Variants in CDK14 observed in about 807,000 individuals in gnomAD.
CDK14 encodes the protein cyclin-dependent kinase 14.
A neutral mutation model predicts 60.7 loss-of-function variants in CDK14; 34 were observed. The ratio of observed to expected loss-of-function variants is 0.56; its 90% confidence interval spans 0.43 to 0.75. CDK14 has a LOEUF of 0.75. Ranked by LOEUF, CDK14 falls within the 30% of genes least tolerant of loss-of-function variation. CDK14 has a pLI of 0.00. For missense variants in CDK14, 482 were observed against 564.1 expected, an observed-to-expected ratio of 0.85 and a Z score of 1.47; for synonymous variants, 197 against 203.7, an observed-to-expected ratio of 0.97 and a Z score of 0.28.
rs1295537546 is a variant in CDK14 at position 91,013,332 on chromosome 7, CT to C, written c.1041+29094del. On this transcript the variant is annotated intron_variant, in intron 10 of 14. Coordinates refer to ENST00000380050, the MANE Select transcript of CDK14 (RefSeq NM_001287135.2). ...TTTTCACTTTCTACTTTGAGTTCTG[CT>C]TTCTGGCAATGGATTGTTCTTTGCT... 2.6e-5 allele frequency among the ~76,000 whole-genome samples: 4 copies of C among 151,948 alleles called. No homozygotes were observed. The South Asian group carries it at 8.3e-4, about 31-fold the overall frequency.
chr7:91,118,027 A>G (rs370175747), intron 13 of CDK14, 38 bp from the exon 14 acceptor site: 74 of 1,188,858 alleles, frequency 6.2e-5, no homozygotes, highest in Non-Finnish European at 8.4e-5. Flanking sequence ...ATAAATATCT[A>G]TAACTATATA....
chr7:90,888,174 C>A (rs548675473), intron 6 of CDK14, among the ~76,000 whole-genome samples: 3 of 151,992 alleles, frequency 2.0e-5, no homozygotes, highest in Non-Finnish European at 2.9e-5. Flanking sequence ...GCATGGTGAA[C>A]CCCCCTCTCT....
chr7:90,939,440 A>G (rs1031166739), intron 8 of CDK14, among the ~76,000 whole-genome samples: 1 of 152,196 alleles, frequency 6.6e-6, no homozygotes, highest in African/African-American at 2.4e-5. Flanking sequence ...AAAATACAGC[A>G]TGTGTAAAGT....
In CDK14 at chr7:91,066,966, T is replaced by C. The variant is rs1798002377; in HGVS notation, c.1106-12466T>C. Among the ~76,000 whole-genome samples the C allele has an allele frequency of 2.0e-5, 3 of 152,210 alleles. 1 individual carries two copies. The South Asian group carries it at 6.2e-4, about 32-fold the overall frequency. ...CTCAGTTATGCTGTGAGTTAGCCAGTGCTTTAAATAATGACATTCTAAACT... is the reference window on the plus strand; with the variant it reads ...CTCAGTTATGCTGTGAGTTAGCCAGCGCTTTAAATAATGACATTCTAAACT... On this transcript the variant is annotated intron_variant, in intron 11 of 14. Coordinates refer to ENST00000380050, the MANE Select transcript of CDK14 (RefSeq NM_001287135.2).
chr7:91,152,194 A>C (rs1188769523), intron 14 of CDK14, among the ~76,000 whole-genome samples: 3 of 152,218 alleles, frequency 2.0e-5, no homozygotes, highest in Non-Finnish European at 4.4e-5. Context: ...GAAACATAGC[A>C]ACTTAAGAGT....
At chr7:90,843,686 C>A (rs1159102028) in intron 5 of CDK14, among the ~76,000 whole-genome samples, 2 of 152,088 alleles carry the variant, frequency 1.3e-5, no homozygotes, top group African/African-American at 4.8e-5. Context: ...GACACATAAT[C>A]TGTGCATAGC....
At chr7:90,939,686 G>A (rs1216136860) in intron 8 of CDK14, among the ~76,000 whole-genome samples, 1 of 152,130 alleles carries the variant, frequency 6.6e-6, no homozygotes, top group African/African-American at 2.4e-5. Flanking sequence ...ATCTATTACA[G>A]GATTTATTCT....
At chr7:91,117,513 T>C (rs1422428060) in intron 13 of CDK14, among the ~76,000 whole-genome samples, 1 of 152,120 alleles carries the variant, frequency 6.6e-6, no homozygotes, top group East Asian at 1.9e-4. Flanking sequence ...TCTCCACCAA[T>C]GTCCCTTCTC....
At chr7:90,847,944 T>TC (rs1239053244) in intron 5 of CDK14, among the ~76,000 whole-genome samples, 4 of 152,212 alleles carry the variant, frequency 2.6e-5, no homozygotes, top group African/African-American at 4.8e-5. Context: ...TCAAAGAGTG[T>TC]CCAAGTGTAT....
At chr7:91,062,332 G>T (rs1439409790) in intron 11 of CDK14, among the ~76,000 whole-genome samples, 2 of 152,136 alleles carry the variant, frequency 1.3e-5, no homozygotes, top group African/African-American at 4.8e-5. Flanking sequence ...GGAATTCCCT[G>T]ACCCCTTGCA....
At chr7:90,891,954 G>C (rs1792138572) in intron 6 of CDK14, among the ~76,000 whole-genome samples, 1 of 152,242 alleles carries the variant, frequency 6.6e-6, no homozygotes, top group Non-Finnish European at 1.5e-5. Flanking sequence ...CTGATCATTT[G>C]AAGAGTCAAC....
chr7:90,774,524 ATAT>A (rs1457969958), intron 4 of CDK14, among the ~76,000 whole-genome samples: 2 of 151,978 alleles, frequency 1.3e-5, no homozygotes, highest in East Asian at 1.9e-4. Context: ...GCTTTTCTTG[ATAT>A]TATTTTTAAT....
At chr7:90,861,374 C>T (rs1409601038) in intron 5 of CDK14, among the ~76,000 whole-genome samples, 1 of 152,140 alleles carries the variant, frequency 6.6e-6, no homozygotes, top group Non-Finnish European at 1.5e-5. Context: ...CATTAAGAGA[C>T]AGCAACAAGC....
In CDK14 at chr7:90,950,822, G is replaced by C. The variant is rs147037626; in HGVS notation, c.827-4875G>C. Among the ~76,000 whole-genome samples the C allele has an allele frequency of 1.7e-3, 253 of 152,296 alleles. 3 individuals are homozygous for C. The highest frequency in any genetic ancestry group is 0.016 in the East Asian group (81 of 5,182). On this transcript the variant is annotated intron_variant, in intron 8 of 14. Transcript: ENST00000380050. ...ATATAGATAGTAACTTAAGCCATGG[G>C]AGTAAATGGAGTCATTCAGGGAAAC...
chr7:90,815,682 G>A (rs542820017), intron 5 of CDK14, among the ~76,000 whole-genome samples: 2 of 152,256 alleles, frequency 1.3e-5, no homozygotes, highest in African/African-American at 2.4e-5. Flanking sequence ...GCCCATCAAC[G>A]ATAGACTGGA....
At chr7:90,853,540 TCACA>T (rs897352790) in intron 5 of CDK14, among the ~76,000 whole-genome samples, 1 of 151,698 alleles carries the variant, frequency 6.6e-6, no homozygotes, top group Non-Finnish European at 1.5e-5. Context: ...ACACACACAC[TCACA>T]CACACCATAA....
chr7:91,012,988 G>A (rs1796204434), intron 10 of CDK14, among the ~76,000 whole-genome samples: 1 of 152,168 alleles, frequency 6.6e-6, no homozygotes, highest in South Asian at 2.1e-4. Context: ...CAGTCACTTA[G>A]TGCACTAGTG....
chr7:90,724,703 G>T (rs1427216377), intron 2 of CDK14, among the ~76,000 whole-genome samples: 1 of 151,626 alleles, frequency 6.6e-6, no homozygotes, highest in Non-Finnish European at 1.5e-5. Flanking sequence ...ACTATTTTCT[G>T]TCATCCTTAT....
chr7:91,158,790 C>T (rs1346604917), intron 14 of CDK14, among the ~76,000 whole-genome samples: 3 of 152,166 alleles, frequency 2.0e-5, no homozygotes, highest in Non-Finnish European at 4.4e-5. Context: ...CTTTGTCCAG[C>T]TTAGATACAG....
Sources: gnomAD v4.1 joint callset for allele counts (sites outside exome capture counted in the v4.1 genomes callset) on GRCh38, gnomAD v4.1.1 for gene constraint, MANE v1.5 for transcripts, NCBI Gene and HGNC (gene_info 2026-07-23, HGNC 2026-07-21) for gene names.